Variants in CFAP69 observed in about 807,000 individuals in gnomAD.
The protein encoded by CFAP69 is cilia and flagella associated protein 69.
Under a neutral mutation model 123.0 loss-of-function variants are expected in CFAP69, and 92 were observed. The observed-to-expected ratio is 0.75, with a 90% CI of 0.63 to 0.89. CFAP69 has a LOEUF of 0.89. Among genes scored for constraint, CFAP69 ranks in the 40% least tolerant of loss-of-function variants. CFAP69 has a pLI of 0.00. For synonymous variants in CFAP69, 380 were observed against 364.3 expected (o/e 1.04, Z -0.49); for missense variants, 1,067 against 1,096.9 (o/e 0.97, Z 0.39).
At chr7:90,290,721 T>G (rs907849350) in intron 15 of CFAP69, among the ~76,000 whole-genome samples, 17 of 151,750 alleles carry the variant, frequency 1.1e-4, no homozygotes, top group African/African-American at 3.9e-4. Flanking sequence ...CAATGTCTTT[T>G]GAAACAGGCA....
chr7:90,255,225 A>G (rs1246303754), intron 1 of CFAP69, among the ~76,000 whole-genome samples, 198 bp from the exon 2 acceptor site: 1 of 152,208 alleles, frequency 6.6e-6, no homozygotes, highest in African/African-American at 2.4e-5. Flanking sequence ...AAAATACTAG[A>G]ATTCAGGAGG....
At chr7:90,245,675 GA>G (rs1463354869) in intron 1 of CFAP69, 131 bp downstream of exon 1, 2 of 1,204,824 alleles carry the variant, frequency 1.7e-6, no homozygotes, top group Non-Finnish European at 2.2e-6. Context: ...GCGGGATGGA[GA>G]TTCCAAGCGC....
intron 15 of CFAP69, among the ~76,000 whole-genome samples, chr7:90,295,841 T>C (rs1333720087): frequency 2.0e-5 from 3 of 152,232 alleles, no homozygotes; most frequent in Non-Finnish European, 2.9e-5. Flanking sequence ...ATGCCTCCCC[T>C]TTATAGGCCA....
At position 90,262,021 on chromosome 7, in the gene CFAP69, T is replaced by C. The variant is rs762839694; in HGVS notation, c.321T>C (p.Phe107=). The C allele has an allele frequency of 2.5e-6, 4 of 1,603,930 alleles. No individual in the cohort carries two copies. In the South Asian group the frequency reaches 4.5e-5, roughly 18 times the overall value. Reference sequence around the variant, plus strand: ...GAAAAATAAAAAACCAGCCTCGTTTTATAGAATCTGCATATGATATCATAA... The same window carrying C: ...GAAAAATAAAAAACCAGCCTCGTTTCATAGAATCTGCATATGATATCATAA... ...CSGKIKNQPR[F]IESAYDIIKL... Residue 107 remains phenylalanine (F), a synonymous_variant, in exon 4 of 23, where the codon TTT becomes TTC. Coordinates refer to ENST00000389297, the MANE Select transcript of CFAP69 (RefSeq NM_001039706.3).
Position 90,271,571 on chromosome 7 carries a change from T to C in CFAP69, c.578T>C (p.Val193Ala), listed in dbSNP as rs201648015. Residue 193 changes from valine (V) to alanine (A), a missense_variant, in exon 7 of 23, where the codon GTT (valine) becomes GCT (alanine). Val to Ala is a moderately conservative substitution (Grantham distance 64, BLOSUM62 0). Coordinates refer to ENST00000389297, the MANE Select transcript of CFAP69 (RefSeq NM_001039706.3). ...SSSYKIQMAE[V>A]GGLAKTMVQS... Reference sequence around the variant, plus strand: ...TCATACAAGATTCAAATGGCTGAAGTTGGAGGATTAGCAAAAACAATGGTC... The same window carrying C: ...TCATACAAGATTCAAATGGCTGAAGCTGGAGGATTAGCAAAAACAATGGTC... 2.5e-5 allele frequency: 40 copies of C among 1,612,846 alleles called. No individual in the cohort carries two copies. The highest frequency in any genetic ancestry group is 5.3e-5 in the African/African-American group (4 of 74,850).
intron 8 of CFAP69, 67 bp from the exon 9 acceptor site, chr7:90,273,920 A>G (rs776236775): frequency 1.8e-5 from 22 of 1,249,314 alleles, no homozygotes; most frequent in Non-Finnish European, 2.4e-5. Context: ...AAATATATGA[A>G]TTTTGGAGGG....
At chr7:90,278,325 A>C (rs1040525716) in intron 11 of CFAP69, among the ~76,000 whole-genome samples, 5 of 152,160 alleles carry the variant, frequency 3.3e-5, no homozygotes, top group African/African-American at 1.2e-4. Flanking sequence ...TGAGCATTTA[A>C]CTGAGCTGAA....
At chr7:90,251,520 G>A (rs561189342) in intron 1 of CFAP69, among the ~76,000 whole-genome samples, 1 of 152,310 alleles carries the variant, frequency 6.6e-6, no homozygotes, top group African/African-American at 2.4e-5. Flanking sequence ...AGTCTGACCA[G>A]TTTTGTTTAT....
At chr7:90,253,985 C>T (rs1797334870) in intron 1 of CFAP69, among the ~76,000 whole-genome samples, 1 of 152,086 alleles carries the variant, frequency 6.6e-6, no homozygotes, top group African/African-American at 2.4e-5. Context: ...ATATTTAAGT[C>T]TTTAATCCAT....
At position 90,279,689 on chromosome 7, in the gene CFAP69, G is replaced by A. The variant is rs201785360; in HGVS notation, c.1168G>A (p.Gly390Ser). Residue 390 changes from glycine (G) to serine (S), a missense_variant, in exon 12 of 23, where the codon GGC becomes AGC. By Grantham distance (56) the Gly-to-Ser change is moderately conservative. Coordinates refer to ENST00000389297, the MANE Select transcript of CFAP69 (RefSeq NM_001039706.3). ...TTCTTTCTCACAGCTATTAATTGAT[G>A]GCAAAGTTATTTTGGCTTTGTTTAC... ...DLPTVQLLIDGKVILALFTYV... is the reference protein window; with the variant it reads ...DLPTVQLLIDSKVILALFTYV... The A allele has an allele frequency of 6.5e-5, 104 of 1,599,512 alleles. No individual in the cohort carries two copies. Among genetic ancestry groups the A allele is most frequent in the Non-Finnish European group, 3.7e-5 (43 of 1,174,898 alleles).
Position 90,297,848 on chromosome 7 carries a change from A to G in CFAP69, c.1857+18A>G. Reference sequence around the variant, plus strand: ...TGTTAGCAGTAAGTATGGCTATAACAATCATAAGACAAAAGACAAATATGT... The same window carrying G: ...TGTTAGCAGTAAGTATGGCTATAACGATCATAAGACAAAAGACAAATATGT... On this transcript the variant is annotated intron_variant, in intron 16 of 22. Transcript: ENST00000389297. The G allele has an allele frequency of 1.3e-6, 2 of 1,520,808 alleles. No homozygotes were observed. Among genetic ancestry groups the G allele is most frequent in the Middle Eastern group, 1.7e-4 (1 of 5,854 alleles). 94.2% of individuals were successfully genotyped at this position (1,520,808 alleles called of 1,614,324 possible).
intron 19 of CFAP69, 84 bp downstream of exon 19, chr7:90,304,904 G>A: frequency 9.9e-7 from 1 of 1,014,098 alleles, no homozygotes; most frequent in South Asian, 1.5e-5. Flanking sequence ...TCATGGTTGT[G>A]AGCAATCATC....
chr7:90,308,258 A>C (rs1445266220), intron 21 of CFAP69, among the ~76,000 whole-genome samples: 2 of 152,268 alleles, frequency 1.3e-5, no homozygotes, highest in African/African-American at 4.8e-5. Flanking sequence ...TCCCTCTGTG[A>C]TCACCAAAAG....
chr7:90,259,470 G>GTTTTTGTT lies in CFAP69; in HGVS notation c.246+1308_246+1309insTTTTGTTT, dbSNP rs148184888. ...CCAGTTTGTTTTGTTTTGTTTTGGG[G>GTTTTTGTT]TGTTTGTTTGTTTGTTTGTTTGTTT... On this transcript the variant is annotated intron_variant, in intron 3 of 22. Coordinates refer to ENST00000389297, the MANE Select transcript of CFAP69 (RefSeq NM_001039706.3). Among the ~76,000 whole-genome samples, 41 of 126,878 alleles carry GTTTTTGTT rather than the reference G, an allele frequency of 3.2e-4. 1 individual carries two copies. Among genetic ancestry groups the GTTTTTGTT allele is most frequent in the South Asian group, 1.0e-3 (4 of 3,910 alleles). 83.2% of individuals were successfully genotyped at this position (126,878 alleles called of 152,430 possible). A position where few individuals can be genotyped will look rare whatever the true frequency, so the allele number is the denominator to read the frequency against.
At chr7:90,318,218 T>C in the CFAP69 span, 1 of 152,240 alleles carries the variant, frequency 6.6e-6, no homozygotes, top group African/African-American at 2.4e-5. Flanking sequence ...TTTCCTTTTC[T>C]TCGGTATATT....
At chr7:90,318,012 T>C in the CFAP69 span, 1 of 152,198 alleles carries the variant, frequency 6.6e-6, no homozygotes, top group South Asian at 2.1e-4. Flanking sequence ...CTTATAAGCA[T>C]GTGAATCTTG....
intron 13 of CFAP69, among the ~76,000 whole-genome samples, chr7:90,285,823 A>G (rs1790190248): frequency 6.6e-6 from 1 of 152,214 alleles, no homozygotes; most frequent in South Asian, 2.1e-4. Flanking sequence ...TTATTGGGGC[A>G]TCCTTTAATG....
downstream of CFAP69, chr7:90,312,563 G>A (rs1422673560): frequency 1.3e-5 from 2 of 152,200 alleles, no homozygotes; most frequent in African/African-American, 2.4e-5. Context: ...ATGGAAAGCA[G>A]TAATGTTCCT....
the CFAP69 span, among the ~76,000 whole-genome samples, chr7:90,322,819 A>G: frequency 6.6e-6 from 1 of 152,126 alleles, no homozygotes. Flanking sequence ...TTATTATAAC[A>G]CACACACAGG....
Sources: gnomAD v4.1 joint callset for allele counts (sites outside exome capture counted in the v4.1 genomes callset) on GRCh38, gnomAD v4.1.1 for gene constraint, MANE v1.5 for transcripts, NCBI Gene and HGNC (gene_info 2026-07-23, HGNC 2026-07-21) for gene names.